The following ZNF536 variants were observed in gnomAD, a reference collection of about 807,000 sequenced individuals.
ZNF536 encodes zinc finger protein 536.
ZNF536 carries 13 observed loss-of-function variants against 84.5 expected under a neutral mutation model. The observed-to-expected ratio is 0.15, with a 90% CI of 0.10 to 0.24. The LOEUF (loss-of-function observed/expected upper bound fraction) is 0.24, where lower values mean the gene tolerates loss of function less well. ZNF536 is among the 10% of genes least tolerant of loss of function. The pLI, the probability that ZNF536 is intolerant of heterozygous loss-of-function variation, is 1.00. For synonymous variants in ZNF536, 811 were observed against 742.5 expected (o/e 1.09, Z -1.50); for missense variants, 1,536 against 1,747.5 (o/e 0.88, Z 2.16).
intron 1 of ZNF536, among the ~76,000 whole-genome samples, chr19:30,405,105 C>T (rs923876493): frequency 5.9e-5 from 9 of 152,310 alleles, no homozygotes; most frequent in African/African-American, 1.9e-4. Flanking sequence ...AACCTCAAGG[C>T]ATTCAGCTAT....
intron 1 of ZNF536, among the ~76,000 whole-genome samples, chr19:30,573,400 C>T (rs529065772): frequency 3.3e-5 from 5 of 152,308 alleles, no homozygotes; most frequent in African/African-American, 1.2e-4. Context: ...TCTGCCTGTT[C>T]CTGGGACTCT....
At chr19:30,420,309 GA>G (rs945480489) in intron 1 of ZNF536, among the ~76,000 whole-genome samples, 2 of 152,214 alleles carry the variant, frequency 1.3e-5, no homozygotes, top group African/African-American at 4.8e-5. Context: ...TGTCTTGGAA[GA>G]CCCCACAAGA....
At chr19:30,700,220 C>CT (rs1175326350) in intron 1 of ZNF536, among the ~76,000 whole-genome samples, 2 of 109,660 alleles carry the variant, frequency 1.8e-5, no homozygotes, top group Non-Finnish European at 1.9e-5. Context: ...TTCCTTCTTT[C>CT]TTTCTTTCTT....
At chr19:30,264,393 C>CTGTGTGTG (rs1568542275) in intron 1 of ZNF536, among the ~76,000 whole-genome samples, 1 of 105,140 alleles carries the variant, frequency 9.5e-6, no homozygotes, top group Non-Finnish European at 1.7e-5. Context: ...GCAGTTGTGC[C>CTGTGTGTG]TCTGTGTGTG....
intron 1 of ZNF536, among the ~76,000 whole-genome samples, chr19:30,382,427 T>C (rs1325497374): frequency 2.6e-5 from 4 of 152,200 alleles, no homozygotes; most frequent in Non-Finnish European, 5.9e-5. Context: ...TACATTTAAA[T>C]TAGAACTTTC....
chr19:30,683,456 G>A lies in ZNF536; in HGVS notation c.170-27301G>A, dbSNP rs185039178. On this transcript the variant is annotated intron_variant, in intron 1 of 1. Coordinates refer to the ZNF536 transcript ENST00000592773. ...GTGTTAGAGCTGTTTCTATGATTGC[G>A]GATATGTTCTGTTTGCATTTGGAAA... Among the ~76,000 whole-genome samples, 178 of 152,226 alleles carry A rather than the reference G, an allele frequency of 1.2e-3. 1 individual carries two copies. Among genetic ancestry groups the A allele is most frequent in the South Asian group, 3.9e-3 (19 of 4,822 alleles).
chr19:30,422,134 A>G (rs915769506), intron 1 of ZNF536, among the ~76,000 whole-genome samples: 2 of 152,200 alleles, frequency 1.3e-5, no homozygotes, highest in African/African-American at 4.8e-5. Context: ...GGGAGCACAG[A>G]TCTGTAAGGC....
chr19:30,439,955 C>CTTTTT lies in ZNF536; in HGVS notation c.-2-3603_-2-3602insTTTTT, dbSNP rs1369505835. 1.6e-3 allele frequency among the ~76,000 whole-genome samples: 215 copies of CTTTTT among 132,956 alleles called. 2 individuals carry two copies. The highest frequency in any genetic ancestry group is 5.0e-3 in the East Asian group (20 of 4,028). 87.2% of individuals were successfully genotyped at this position (132,956 alleles called of 152,430 possible). ...TTCTTTCTTTCTTTTCTTTTTCTTT[C>CTTTTT]TTTCTTTTTTTTTTTTTTTTTTTTT... On this transcript the variant is annotated intron_variant, in intron 1 of 4. Transcript: ENST00000355537.
At chr19:30,711,017 T>C (rs1045942238) in exon 2 of ZNF536, 1 of 152,190 alleles carries the variant, frequency 6.6e-6, no homozygotes, top group Non-Finnish European at 1.5e-5. Context: ...CCAACCTGTA[T>C]ATTGCAATAG....
chr19:30,650,415 C>A (rs1475038579), intron 1 of ZNF536, among the ~76,000 whole-genome samples: 2 of 152,220 alleles, frequency 1.3e-5, no homozygotes, highest in African/African-American at 4.8e-5. Flanking sequence ...CCAAAGATTT[C>A]TCTCCTTTTC....
chr19:30,535,382 T>C (rs950642056), intron 3 of ZNF536, among the ~76,000 whole-genome samples: 4 of 151,998 alleles, frequency 2.6e-5, no homozygotes, highest in African/African-American at 9.7e-5. Context: ...GCTCAAACCT[T>C]CCTAAGTGCA....
intron 1 of ZNF536, among the ~76,000 whole-genome samples, chr19:30,241,081 G>A (rs993078675): frequency 6.6e-6 from 1 of 152,194 alleles, no homozygotes; most frequent in African/African-American, 2.4e-5. Flanking sequence ...ACTTTGGGAG[G>A]TTGAGGTGGG....
intron 1 of ZNF536, among the ~76,000 whole-genome samples, chr19:30,625,547 T>G (rs1002400058): frequency 6.6e-6 from 1 of 152,254 alleles, no homozygotes; most frequent in Non-Finnish European, 1.5e-5. Flanking sequence ...GCGGGCAAGG[T>G]TGGCATTACT....
intron 1 of ZNF536, among the ~76,000 whole-genome samples, chr19:30,253,679 G>A (rs1479132582): frequency 6.6e-6 from 1 of 152,188 alleles, no homozygotes; most frequent in Non-Finnish European, 1.5e-5. Context: ...CGGCTGGGCG[G>A]GTGGACGGGA....
intron 1 of ZNF536, among the ~76,000 whole-genome samples, chr19:30,380,570 C>G (rs1483962200): frequency 6.6e-6 from 1 of 152,180 alleles, no homozygotes; most frequent in Non-Finnish European, 1.5e-5. Context: ...CAAAGTGATT[C>G]AACTGATTTG....
chr19:30,637,228 C>T (rs2049099698), intron 1 of ZNF536, among the ~76,000 whole-genome samples: 1 of 152,218 alleles, frequency 6.6e-6, no homozygotes, highest in South Asian at 2.1e-4. Flanking sequence ...TGGAACCTTT[C>T]CCCATACAGG....
chr19:30,535,231 T>A (rs2045019653), intron 3 of ZNF536, among the ~76,000 whole-genome samples: 1 of 152,198 alleles, frequency 6.6e-6, no homozygotes, highest in Non-Finnish European at 1.5e-5. Context: ...TAGACTTGGA[T>A]GGTCCTGGCC....
At chr19:30,314,273 G>A (rs1034149874) in intron 2 of ZNF536, among the ~76,000 whole-genome samples, 1 of 152,194 alleles carries the variant, frequency 6.6e-6, no homozygotes, top group Non-Finnish European at 1.5e-5. Context: ...GGAGTCTCGA[G>A]CGGGGCGGTG....
rs1270673391 is a variant in ZNF536 at position 30,444,282 on chromosome 19, G to C, written c.720G>C (p.Leu240=). 6 of 1,568,444 alleles carry C rather than the reference G, an allele frequency of 3.8e-6. No homozygotes were observed. In the African/African-American group the frequency reaches 8.1e-5, roughly 21 times the overall value. ...AQQAPLAACT[L]ALQANHSVPD... ...AGGCCCCGCTGGCCGCCTGCACCCT[G>C]GCCCTGCAGGCTAACCACAGCGTTC... is the stretch of plus-strand genomic sequence containing the variant. Residue 240 remains leucine (L), a synonymous_variant, in exon 2 of 5, where the codon CTG becomes CTC. Coordinates refer to ENST00000355537, the MANE Select transcript of ZNF536 (RefSeq NM_014717.3).
Sources: allele counts gnomAD v4.1 joint callset (sites outside exome capture counted in the v4.1 genomes callset), GRCh38; gene constraint gnomAD v4.1.1; transcripts MANE v1.5; gene names NCBI Gene and HGNC (gene_info 2026-07-23, HGNC 2026-07-21).